EPHB2: variants seen among roughly 807,000 people sequenced by gnomAD.
EPHB2 encodes EPH receptor B2.
A neutral mutation model predicts 96.4 loss-of-function variants in EPHB2; 18 were observed. That is an observed-to-expected ratio of 0.19 (90% CI 0.13 to 0.28). The LOEUF (loss-of-function observed/expected upper bound fraction) is 0.28. Ranked by LOEUF, EPHB2 falls within the 10% of genes least tolerant of loss-of-function variation. The pLI, the probability that EPHB2 is intolerant of heterozygous loss-of-function variation, is 1.00. For missense variants in EPHB2, 989 were observed against 1,355.4 expected (o/e 0.73, Z 4.25); for synonymous variants, 506 against 534.1 (o/e 0.95, Z 0.72).
intron 3 of EPHB2, among the ~76,000 whole-genome samples, chr1:22,808,880 C>G (rs1033789316): frequency 2.0e-5 from 3 of 152,252 alleles, no homozygotes; most frequent in Admixed American, 2.0e-4. Context: ...CTCTCAACCA[C>G]TATGCCATAT....
chr1:22,916,144 T>C lies in EPHB2; in HGVS notation c.*2574T>C, dbSNP rs1476969877. ...GTGCCCCAAAGGTGCCCTGCGCGGGTGGCAGCTGTCTCGGCACACAAGGTC... is the reference window on the plus strand; with the variant it reads ...GTGCCCCAAAGGTGCCCTGCGCGGGCGGCAGCTGTCTCGGCACACAAGGTC... On this transcript the variant is annotated 3_prime_UTR_variant, in exon 16 of 16. Coordinates refer to ENST00000374630, the MANE Select transcript of EPHB2 (RefSeq NM_017449.5). The surrounding 1 kb of genome is among the most constrained non-coding windows in gnomAD (Gnocchi z 4.2). The C allele has an allele frequency of 3.3e-5, 5 of 152,216 alleles. No individual in the cohort carries two copies. The highest frequency in any genetic ancestry group is 7.3e-5 in the Non-Finnish European group (5 of 68,070). 9.4% of individuals were successfully genotyped at this position (152,216 alleles called of 1,614,324 possible). A position where few individuals can be genotyped will look rare whatever the true frequency, so the allele number is the denominator to read the frequency against.
In EPHB2 at chr1:22,895,516, G is replaced by A. The variant is rs781521914; in HGVS notation, c.1636G>A (p.Gly546Ser). Residue 546 changes from glycine to serine, a missense_variant, in exon 8 of 16, where the codon GGC becomes AGC. Gly to Ser is a moderately conservative substitution (Grantham distance 56). Transcript: ENST00000374630. ...CCAGGAGAAGTTGCCACTCATCATC[G>A]GCTCCTCGGCCGCTGGCCTGGTCTT... ...SIQEKLPLIIGSSAAGLVFLI... is the reference protein window; with the variant it reads ...SIQEKLPLIISSSAAGLVFLI... 2.5e-6 allele frequency: 4 copies of A among 1,614,086 alleles called. No homozygotes were observed. Among genetic ancestry groups the A allele is most frequent in the East Asian group, 2.2e-5 (1 of 44,902 alleles).
At chr1:22,841,650 C>A (rs530496764) in intron 3 of EPHB2, among the ~76,000 whole-genome samples, 10 of 152,030 alleles carry the variant, frequency 6.6e-5, no homozygotes, top group Non-Finnish European at 1.2e-4. Context: ...TAGAAAGAGG[C>A]GATTGTCAGG....
chr1:22,716,161 C>CA (rs1557631782), intron 1 of EPHB2, among the ~76,000 whole-genome samples: 1 of 152,176 alleles, frequency 6.6e-6, no homozygotes, highest in East Asian at 1.9e-4. Context: ...GGAAAATACT[C>CA]AGATTCCTAG....
intron 6 of EPHB2, among the ~76,000 whole-genome samples, chr1:22,885,047 C>G (rs192028802): frequency 6.9e-4 from 105 of 152,178 alleles, no homozygotes; most frequent in Middle Eastern, 3.4e-3. Flanking sequence ...AGTGGACACA[C>G]GAGGGCCTGA....
At chr1:22,894,576 A>G (rs868175478) in intron 7 of EPHB2, among the ~76,000 whole-genome samples, 1 of 151,722 alleles carries the variant, frequency 6.6e-6, no homozygotes, top group Non-Finnish European at 1.5e-5. Context: ...CAGCCTAGTG[A>G]CAAGAGTGAA....
chr1:22,749,986 C>G (rs987071060), intron 1 of EPHB2, among the ~76,000 whole-genome samples: 1 of 152,184 alleles, frequency 6.6e-6, no homozygotes, highest in African/African-American at 2.4e-5. Context: ...TGAGTGCCAG[C>G]TGTGCACTCA....
rs1446047658 is a variant in EPHB2 at position 22,723,939 on chromosome 1, T to A, written c.61+12896T>A. Among the ~76,000 whole-genome samples the A allele has an allele frequency of 3.9e-5, 6 of 152,192 alleles. No homozygotes were observed. In the South Asian group the frequency reaches 6.2e-4, roughly 16 times the overall value. On this transcript the variant is annotated intron_variant, in intron 1 of 15. Coordinates refer to ENST00000374630, the MANE Select transcript of EPHB2 (RefSeq NM_017449.5). ...CTAAGGAGCAGGCACTGGGCTTAGG[T>A]ATTATTGTTAGCTGAATCCTACAGA...
At chr1:22,804,973 A>G (rs1644902756) in intron 3 of EPHB2, among the ~76,000 whole-genome samples, 1 of 151,942 alleles carries the variant, frequency 6.6e-6, no homozygotes, top group South Asian at 2.1e-4. Flanking sequence ...CCCTGGGCAA[A>G]TTGTGGGCTA....
chr1:22,908,801 G>A (rs773019114), intron 12 of EPHB2, among the ~76,000 whole-genome samples: 1 of 152,182 alleles, frequency 6.6e-6, no homozygotes. Context: ...CTTTTGGAGG[G>A]ACTTGAGGAT....
chr1:22,763,456 G>C (rs962328312), intron 1 of EPHB2, among the ~76,000 whole-genome samples: 1 of 152,106 alleles, frequency 6.6e-6, no homozygotes, highest in Non-Finnish European at 1.5e-5. Flanking sequence ...TCAGCTCCAA[G>C]CCTCTCCTGG....
At chr1:22,774,427 G>A (rs1644419732) in intron 1 of EPHB2, 1 of 285,906 alleles carries the variant, frequency 3.5e-6, no homozygotes, top group Non-Finnish European at 5.2e-6. Context: ...GAGGAGTCAG[G>A]ACAGCTGCCA....
At chr1:22,739,065 G>C (rs1432976486) in intron 1 of EPHB2, among the ~76,000 whole-genome samples, 1 of 151,716 alleles carries the variant, frequency 6.6e-6, no homozygotes, top group Non-Finnish European at 1.5e-5. Flanking sequence ...TTAGCAACAG[G>C]GTCTTGCTTT....
At chr1:22,838,699 C>A (rs951559119) in intron 3 of EPHB2, among the ~76,000 whole-genome samples, 1 of 152,116 alleles carries the variant, frequency 6.6e-6, no homozygotes, top group Non-Finnish European at 1.5e-5. Flanking sequence ...GAGGCCGAGG[C>A]GGATGGATCA....
At chr1:22,795,544 AC>A (rs1265242037) in intron 3 of EPHB2, among the ~76,000 whole-genome samples, 2 of 152,196 alleles carry the variant, frequency 1.3e-5, no homozygotes, top group Middle Eastern at 3.2e-3. Context: ...ATAATGTCTT[AC>A]ATATGTACAG....
At chr1:22,909,509 C>CCAGATGTT (rs1381636812) in intron 13 of EPHB2, among the ~76,000 whole-genome samples, 3 of 152,220 alleles carry the variant, frequency 2.0e-5, no homozygotes, top group Admixed American at 1.3e-4. Context: ...ATTCAGGGAA[C>CCAGATGTT]CAGATGTTAT....
At chr1:22,799,886 G>T (rs1463956845) in intron 3 of EPHB2, among the ~76,000 whole-genome samples, 3 of 152,220 alleles carry the variant, frequency 2.0e-5, no homozygotes, top group Non-Finnish European at 4.4e-5. Context: ...ACCTGTCAGG[G>T]TTATACTGGC....
intron 3 of EPHB2, among the ~76,000 whole-genome samples, chr1:22,810,201 G>C (rs1644983155): frequency 6.6e-6 from 1 of 152,174 alleles, no homozygotes; most frequent in African/African-American, 2.4e-5. Context: ...GCCAAGAAGA[G>C]ACACAGGAGA....
At chr1:22,874,496 T>C (rs1339141821) in intron 5 of EPHB2, among the ~76,000 whole-genome samples, 1 of 152,150 alleles carries the variant, frequency 6.6e-6, no homozygotes, top group Non-Finnish European at 1.5e-5. Flanking sequence ...AGGCTACTTA[T>C]GGGTAGGGCC....
Sources: gnomAD v4.1 joint callset for allele counts (sites outside exome capture counted in the v4.1 genomes callset) on GRCh38, gnomAD v4.1.1 for gene constraint, Gnocchi (gnomAD v3.1) non-coding constraint, MANE v1.5 for transcripts, NCBI Gene and HGNC (gene_info 2026-07-23, HGNC 2026-07-21) for gene names.